Variants in LPIN2 observed in about 807,000 individuals in gnomAD.
LPIN2 encodes lipin 2.
In LPIN2, 55 loss-of-function variants were observed where a neutral mutation model predicts 111.4. The ratio of observed to expected loss-of-function variants is 0.49; its 90% CI spans 0.40 to 0.62. LPIN2 has a LOEUF of 0.62. LPIN2 is among the 20% of genes least tolerant of loss of function. The probability of loss-of-function intolerance (pLI) is 0.00; values close to 1 mark genes in which losing one functional copy is unlikely to be tolerated. For missense variants in LPIN2, 992 were observed against 1,112.1 expected, an observed-to-expected ratio of 0.89 and a Z score of 1.54; for synonymous variants, 425 against 414.0, an observed-to-expected ratio of 1.03 and a Z score of -0.32.
chr18:2,949,672 C>G (rs954112195), intron 4 of LPIN2, among the ~76,000 whole-genome samples: 1 of 152,016 alleles, frequency 6.6e-6, no homozygotes, highest in Non-Finnish European at 1.5e-5. Context: ...AAATTACTAT[C>G]AAATATAGAT....
intron 1 of LPIN2, among the ~76,000 whole-genome samples, chr18:2,969,724 C>T (rs879719335): frequency 6.6e-6 from 1 of 152,138 alleles, no homozygotes; most frequent in Non-Finnish European, 1.5e-5. Context: ...CGCTCATGAA[C>T]CCCAACCCAG....
rs1477389790 is a variant in LPIN2, at chr18:3,013,088, C to G, written c.-11G>C. On this transcript the variant is annotated splice_region_variant and 5_prime_UTR_variant, in exon 1 of 20. Transcript: ENST00000677752. ...GGAGCCCGGCCCGCGCCCACTTACCCACAGGGGCTCCGCTCCCGGCCAGCG... is the reference window on the plus strand; with the variant it reads ...GGAGCCCGGCCCGCGCCCACTTACCGACAGGGGCTCCGCTCCCGGCCAGCG... 2 of 150,894 alleles carry G rather than the reference C, an allele frequency of 1.3e-5. No individual in the cohort carries two copies. Among genetic ancestry groups the G allele is most frequent in the East Asian group, 1.9e-4 (1 of 5,190 alleles). 9.3% of individuals were successfully genotyped at this position (150,894 alleles called of 1,614,324 possible).
At chr18:2,945,136 C>CT (rs2077430765) in intron 4 of LPIN2, among the ~76,000 whole-genome samples, 1 of 152,008 alleles carries the variant, frequency 6.6e-6, no homozygotes, top group African/African-American at 2.4e-5. Context: ...ATGAAAAAAA[C>CT]TGATTAAAAT....
chr18:2,928,184 G>C (rs2077163567), intron 11 of LPIN2, among the ~76,000 whole-genome samples: 1 of 152,202 alleles, frequency 6.6e-6, no homozygotes, highest in Non-Finnish European at 1.5e-5. Context: ...GTATATAACA[G>C]GTATGTTAGC....
intron 1 of LPIN2, among the ~76,000 whole-genome samples, chr18:2,964,976 ATATT>A (rs1253839342): frequency 6.6e-6 from 1 of 152,208 alleles, no homozygotes; most frequent in Non-Finnish European, 1.5e-5. Context: ...TTTAAAAACG[ATATT>A]TAAAGACAGC....
Position 2,990,036 on chromosome 18 carries a change from A to C in LPIN2, c.-10+23051T>G, listed in dbSNP as rs552186206. Among the ~76,000 whole-genome samples, 3 of 152,340 alleles carry C rather than the reference A, an allele frequency of 2.0e-5. No homozygotes were observed. In the East Asian group the frequency reaches 5.8e-4, roughly 29 times the overall value. ...AAATAAACCCAAACATTTATGGCCA[A>C]TTGATATTTGACAAGAGTACCAAAT... On this transcript the variant is annotated intron_variant, in intron 1 of 19. Transcript: ENST00000677752.
chr18:2,962,487 C>T (rs1219156919), intron 1 of LPIN2, among the ~76,000 whole-genome samples: 2 of 151,268 alleles, frequency 1.3e-5, no homozygotes, highest in Non-Finnish European at 2.9e-5. Flanking sequence ...AATGAATGAA[C>T]AAATGAACTA....
chr18:2,945,600 A>G, intron 4 of LPIN2: 2 of 1,530,998 alleles, frequency 1.3e-6, no homozygotes, highest in East Asian at 2.2e-5. Flanking sequence ...CAGGCAGTTC[A>G]AGGCTTGCCC....
At position 2,920,216 on chromosome 18, in the gene LPIN2, G is replaced by A; in HGVS notation, c.*77C>T. The A allele has an allele frequency of 6.3e-7, 1 of 1,587,068 alleles. No individual in the cohort carries two copies. Among genetic ancestry groups the A allele is most frequent in the Non-Finnish European group, 8.6e-7 (1 of 1,157,476 alleles). ...CCCGCTGGGGAAGGCTGGTATCTGA[G>A]GTCAGCAGAAGAGCCAGCTGCCTTC... is the stretch of plus-strand genomic sequence containing the variant. On this transcript the variant is annotated 3_prime_UTR_variant, in exon 20 of 20. Transcript: ENST00000677752.
chr18:2,977,474 T>C lies in LPIN2; in HGVS notation c.-9-16625A>G, dbSNP rs953119549. 2.0e-5 allele frequency among the ~76,000 whole-genome samples: 3 copies of C among 152,214 alleles called. No individual in the cohort carries two copies. The East Asian group carries it at 5.8e-4, about 29-fold the overall frequency. On this transcript the variant is annotated intron_variant, in intron 1 of 19. Coordinates refer to ENST00000677752, the MANE Select transcript of LPIN2 (RefSeq NM_001375808.2). ...TATCTATGGCTCAGATCTTGCTTTC[T>C]GAATATCATTCTCCAATAAAAGGAA...
chr18:2,948,708 C>T (rs1291513134), intron 4 of LPIN2, among the ~76,000 whole-genome samples: 2 of 152,120 alleles, frequency 1.3e-5, no homozygotes, highest in South Asian at 2.1e-4. Context: ...CCTAATAAAA[C>T]TTAAGATGTG....
chr18:2,925,393 G>C lies in LPIN2; in HGVS notation c.1794-25C>G, dbSNP rs1003117203. On this transcript the variant is annotated intron_variant, in intron 13 of 19. Coordinates refer to ENST00000677752, the MANE Select transcript of LPIN2 (RefSeq NM_001375808.2). The surrounding 1 kb of genome is among the most constrained non-coding windows in gnomAD (Gnocchi z 4.1). ...CCTGTTCAACATTAGCCCAGTTACG[G>C]AAGAGGCAGCAGGGCATTTTATTGA... The C allele has an allele frequency of 1.9e-6, 3 of 1,613,976 alleles. No individual in the cohort carries two copies. The Admixed American group carries it at 5.0e-5, about 27-fold the overall frequency.
intron 1 of LPIN2, among the ~76,000 whole-genome samples, chr18:2,992,713 GTGGC>G (rs2078283006): frequency 6.6e-6 from 1 of 152,076 alleles, no homozygotes; most frequent in Non-Finnish European, 1.5e-5. Flanking sequence ...GCCGGGTGCG[GTGGC>G]TCATGCCTGT....
intron 1 of LPIN2, among the ~76,000 whole-genome samples, chr18:2,977,631 G>GA (rs1489366297): frequency 2.0e-5 from 3 of 151,990 alleles, no homozygotes; most frequent in African/African-American, 7.2e-5. Flanking sequence ...GTATGTCAGA[G>GA]AAAAAACAGG....
At chr18:2,990,911 A>G in intron 1 of LPIN2, 2 of 548,604 alleles carry the variant, frequency 3.6e-6, no homozygotes, top group South Asian at 2.8e-5. Flanking sequence ...GTATGATGCC[A>G]GCACCCCACA....
At chr18:2,934,932 T>C (rs1598536464) in intron 7 of LPIN2, among the ~76,000 whole-genome samples, 2 of 152,368 alleles carry the variant, frequency 1.3e-5, no homozygotes, top group Admixed American at 1.3e-4. Context: ...TGGATAGATG[T>C]GGCAGATAAC....
chr18:2,939,541 C>A lies in LPIN2; in HGVS notation c.761G>T (p.Ser254Ile). ...CATGTGAGACTCTGATCTGAGCAGG[C>A]TCTCCGCAGGTTTCACCTCCAGCTC... ...DSELEVKPAE[S>I]LLRSESHMEW... Residue 254 changes from serine (S) to isoleucine (I), a missense_variant, in exon 6 of 20, where the codon AGC becomes ATC. Physicochemically the swap from Ser to Ile is moderately radical, Grantham distance 142. Transcript: ENST00000677752. 1 of 1,614,096 alleles carries A rather than the reference C, an allele frequency of 6.2e-7. No individual in the cohort carries two copies. The highest frequency in any genetic ancestry group is 8.5e-7 in the Non-Finnish European group (1 of 1,179,952).
rs929781547 is a variant in LPIN2 at position 3,008,879 on chromosome 18, G to A, written c.-10+4208C>T. Among the ~76,000 whole-genome samples, 3 of 123,294 alleles carry A rather than the reference G, an allele frequency of 2.4e-5. No individual in the cohort carries two copies. The Admixed American group carries it at 2.5e-4, about 10-fold the overall frequency. 80.9% of individuals were successfully genotyped at this position (123,294 alleles called of 152,430 possible). On this transcript the variant is annotated intron_variant, in intron 1 of 19. Coordinates refer to ENST00000677752, the MANE Select transcript of LPIN2 (RefSeq NM_001375808.2). The stretch of plus-strand genomic sequence containing the variant: ...CAGGTGCCCGCACTACCACAGCTGT[G>A]TTTTTTTTTTTTTTTTTTTGGAGAG...
rs571885510 is a variant in LPIN2, at chr18:2,934,516, C to T, written c.1169-66G>A. ...TTCATTTACAGCTCTGCAAAACACACGCACGTTTGCAAACAGTAAGAGTGA... is the reference window on the plus strand; with the variant it reads ...TTCATTTACAGCTCTGCAAAACACATGCACGTTTGCAAACAGTAAGAGTGA... On this transcript the variant is annotated intron_variant, in intron 7 of 19. Coordinates refer to ENST00000677752, the MANE Select transcript of LPIN2 (RefSeq NM_001375808.2). 3.1e-4 allele frequency: 310 copies of T among 996,924 alleles called. 4 individuals are homozygous for T. In the Admixed American group the frequency reaches 4.4e-3, roughly 14 times the overall value. 61.8% of individuals were successfully genotyped at this position (996,924 alleles called of 1,614,324 possible).
Sources: gnomAD v4.1 joint callset for allele counts (sites outside exome capture counted in the v4.1 genomes callset) on GRCh38, gnomAD v4.1.1 for gene constraint, Gnocchi (gnomAD v3.1) non-coding constraint, MANE v1.5 for transcripts, NCBI Gene and HGNC (gene_info 2026-07-23, HGNC 2026-07-21) for gene names.